BCL6: variants seen among roughly 807,000 people sequenced by gnomAD.
BCL6 encodes the protein BCL6 transcription repressor, also known as B-cell lymphoma 6 protein.
A neutral mutation model predicts 59.5 loss-of-function variants in BCL6; 7 were observed. The observed-to-expected ratio is 0.12, with a 90% confidence interval of 0.07 to 0.22. The LOEUF is 0.22. Among genes scored for constraint, BCL6 ranks in the 10% least tolerant of loss-of-function variants. BCL6 has a pLI of 1.00. For missense variants in BCL6, 685 were observed against 939.4 expected (o/e 0.73, Z 3.54); for synonymous variants, 339 against 349.7 (o/e 0.97, Z 0.34).
At chr3:187,723,210 T>G (rs554472089) in intron 9 of BCL6, among the ~76,000 whole-genome samples, 2 of 152,358 alleles carry the variant, frequency 1.3e-5, no homozygotes, top group South Asian at 4.1e-4. Context: ...TGCAGTTATA[T>G]TCTTTCCTAG....
intron 5 of BCL6, 102 bp from the exon 6 acceptor site, chr3:187,728,646 C>T: frequency 1.7e-6 from 2 of 1,171,242 alleles, no homozygotes. Flanking sequence ...AGCTGGGCTG[C>T]CCACTCAAGC....
At chr3:187,741,419 C>T (rs1711587951) in intron 1 of BCL6, among the ~76,000 whole-genome samples, 1 of 151,732 alleles carries the variant, frequency 6.6e-6, no homozygotes, top group Admixed American at 6.6e-5. Flanking sequence ...GAATAAACTC[C>T]TGATCTTCTC....
Position 187,729,631 on chromosome 3 carries a change from G to T in BCL6, c.774C>A (p.Ile258=). ...CTGGGATTGTTTCCTTGGGTGAATA[G>T]ATATTGCTGTGGCACACATTGGGGG... is the stretch of plus-strand genomic sequence containing the variant. ...EVSPNVCHSN[I]YSPKETIPEE... The change falls in exon 5 of 10, where the codon ATC becomes ATA. Residue 258 remains isoleucine, a synonymous_variant. Coordinates refer to ENST00000406870, the MANE Select transcript of BCL6 (RefSeq NM_001706.5). This position sits in a 1 kb window ranked among gnomAD's most constrained non-coding sequence, Gnocchi z 5.6. The T allele has an allele frequency of 6.2e-7, 1 of 1,614,164 alleles. No homozygotes were observed. The highest frequency in any genetic ancestry group is 1.1e-5 in the South Asian group (1 of 91,078).
intron 1 of BCL6, among the ~76,000 whole-genome samples, chr3:187,745,119 A>C (rs71322492): frequency 3.3e-5 from 5 of 152,254 alleles, no homozygotes; most frequent in East Asian, 1.9e-4. Context: ...CTCAAAGACA[A>C]CAATAATAAT....
chr3:187,725,525 C>T lies in BCL6; in HGVS notation c.1813G>A (p.Glu605Lys), dbSNP rs1466914215. 1.2e-6 allele frequency: 2 copies of T among 1,614,178 alleles called. No homozygotes were observed. Among genetic ancestry groups the T allele is most frequent in the Non-Finnish European group, 1.7e-6 (2 of 1,180,036 alleles). Residue 605 changes from glutamate to lysine, a missense_variant, in exon 8 of 10, where the codon GAA becomes AAA. Glu to Lys is a moderately conservative substitution (Grantham distance 56). Transcript: ENST00000406870. This position sits in a 1 kb window ranked among gnomAD's most constrained non-coding sequence, Gnocchi z 4.7. ...TGTACAAATCTGGCTCCGCAGGTTTCGCATTTGTAGGGCTTCTCTCCAGAG... is the reference window on the plus strand; with the variant it reads ...TGTACAAATCTGGCTCCGCAGGTTTTGCATTTGTAGGGCTTCTCTCCAGAG... The part of the protein sequence containing the change: ...IHSGEKPYKC[E>K]TCGARFVQVA...
intron 1 of BCL6, among the ~76,000 whole-genome samples, chr3:187,744,205 A>C (rs1711757479): frequency 6.6e-6 from 1 of 152,216 alleles, no homozygotes; most frequent in African/African-American, 2.4e-5. Context: ...CCAAAATACA[A>C]ACACCGCAGC....
chr3:187,740,725 G>A (rs985888982), intron 1 of BCL6, among the ~76,000 whole-genome samples: 1 of 152,208 alleles, frequency 6.6e-6, no homozygotes, highest in Admixed American at 6.5e-5. Context: ...AAGCCCCTGA[G>A]CTCCTAGGTG....
intron 9 of BCL6, 34 bp from the exon 10 acceptor site, chr3:187,722,635 C>A: frequency 1.2e-6 from 2 of 1,602,222 alleles, no homozygotes; most frequent in South Asian, 1.1e-5. Flanking sequence ...TGTTAGCTGT[C>A]ATCAACCCAA....
chr3:187,730,517 G>A (rs545466890), intron 4 of BCL6, among the ~76,000 whole-genome samples: 1 of 152,344 alleles, frequency 6.6e-6, no homozygotes, highest in East Asian at 1.9e-4. Flanking sequence ...GTAGCCTACT[G>A]AAGAAAGAAC....
rs368926844 is a variant in BCL6 at position 187,729,421 on chromosome 3, C to A, written c.984G>T (p.Leu328=). Residue 328 remains leucine (L), a synonymous_variant, in exon 5 of 10, where the codon CTG becomes CTT. Coordinates refer to ENST00000406870, the MANE Select transcript of BCL6 (RefSeq NM_001706.5). This position sits in a 1 kb window ranked among gnomAD's most constrained non-coding sequence, Gnocchi z 5.6. ...ATTTCTGGGGGCTCTGTGGACTAAC[C>A]AGACCCTTCCGGTTCAGGGGTGCAT... The part of the protein sequence containing the change: ...PPNAPLNRKG[L]VSPQSPQKSD... The A allele has an allele frequency of 1.2e-6, 2 of 1,611,216 alleles. No homozygotes were observed. Among genetic ancestry groups the A allele is most frequent in the East Asian group, 2.2e-5 (1 of 44,854 alleles).
rs1719060416 is a variant in BCL6, at chr3:187,731,813, A to G, written c.279T>C (p.Ser93=). ...FCILLDFMYT[S]RLNLREGNIM... is the part of the protein sequence containing the mutation. The stretch of plus-strand genomic sequence containing the variant: ...TGTTGCCCTCCCGCAAATTGAGCCG[A>G]GATGTGTACATGAAGTCCAGGAGGA... The change falls in exon 4 of 10, where the codon TCT becomes TCC. Residue 93 remains serine, a synonymous_variant. Coordinates refer to ENST00000406870, the MANE Select transcript of BCL6 (RefSeq NM_001706.5). 6.2e-7 allele frequency: 1 copy of G among 1,614,176 alleles called. No individual in the cohort carries two copies. The highest frequency in any genetic ancestry group is 8.5e-7 in the Non-Finnish European group (1 of 1,180,034).
intron 1 of BCL6, among the ~76,000 whole-genome samples, chr3:187,744,845 G>A (rs1176255467): frequency 4.6e-5 from 7 of 152,070 alleles, no homozygotes; most frequent in South Asian, 4.2e-4. Context: ...AGAAAAGAGG[G>A]AAAAAACACA....
At chr3:187,744,755 A>G (rs546133004) in intron 1 of BCL6, among the ~76,000 whole-genome samples, 5 of 152,220 alleles carry the variant, frequency 3.3e-5, no homozygotes, top group South Asian at 4.1e-4. Flanking sequence ...GGGGAAGGGA[A>G]GGAAGAAGAG....
At chr3:187,737,582 C>T (rs2108476365) in intron 1 of BCL6, 2 of 152,686 alleles carry the variant, frequency 1.3e-5, no homozygotes, top group African/African-American at 4.8e-5. Context: ...CTACCCCACC[C>T]CGACCACTCC....
intron 1 of BCL6, among the ~76,000 whole-genome samples, chr3:187,744,346 C>T (rs1711770147): frequency 7.0e-6 from 1 of 143,626 alleles, no homozygotes; most frequent in East Asian, 2.4e-4. Flanking sequence ...GAAGCCCTGT[C>T]CCGCCATCAG....
At chr3:187,743,458 C>T (rs965834271) in intron 1 of BCL6, among the ~76,000 whole-genome samples, 2 of 151,920 alleles carry the variant, frequency 1.3e-5, no homozygotes, top group Non-Finnish European at 2.9e-5. Context: ...CTGTCAGGAC[C>T]CCCCACCCCC....
chr3:187,739,802 G>C (rs1431744579), intron 1 of BCL6, among the ~76,000 whole-genome samples: 2 of 152,132 alleles, frequency 1.3e-5, no homozygotes, highest in African/African-American at 4.8e-5. Flanking sequence ...AAGGCTGGCG[G>C]GGGAGGGGAG....
At chr3:187,727,998 C>G (rs1237668638) in intron 6 of BCL6, among the ~76,000 whole-genome samples, 1 of 152,162 alleles carries the variant, frequency 6.6e-6, no homozygotes, top group East Asian at 1.9e-4. Flanking sequence ...AATGTACAGC[C>G]TGGCAGAGAA....
Position 187,729,693 on chromosome 3 carries a change from C to G in BCL6, c.712G>C (p.Val238Leu), listed in dbSNP as rs767237085. ...RALPCDSARP[V>L]PGEYSRPTLE... Reference sequence around the variant, plus strand: ...GTCGGCCGGCTGTACTCACCAGGGACTGGCCTGGCACTATCACATGGGAGT... The same window carrying G: ...GTCGGCCGGCTGTACTCACCAGGGAGTGGCCTGGCACTATCACATGGGAGT... The change falls in exon 5 of 10, where the codon GTC (valine) becomes CTC (leucine). Residue 238 changes from valine to leucine, a missense_variant. Val to Leu is a conservative substitution (Grantham distance 32). Coordinates refer to ENST00000406870, the MANE Select transcript of BCL6 (RefSeq NM_001706.5). The surrounding 1 kb of genome is among the most constrained non-coding windows in gnomAD (Gnocchi z 5.6). The G allele has an allele frequency of 1.2e-6, 2 of 1,614,058 alleles. No homozygotes were observed. The highest frequency in any genetic ancestry group is 2.2e-5 in the East Asian group (1 of 44,890).
Sources: allele counts gnomAD v4.1 joint callset (sites outside exome capture counted in the v4.1 genomes callset), GRCh38; gene constraint gnomAD v4.1.1; non-coding constraint Gnocchi (gnomAD v3.1); transcripts MANE v1.5; gene names NCBI Gene and HGNC (gene_info 2026-07-23, HGNC 2026-07-21).